The following CCDC150 variants were observed in gnomAD, a reference collection of about 807,000 sequenced individuals.
CCDC150 encodes the protein coiled-coil domain-containing protein 150.
CCDC150 carries 151 observed loss-of-function variants against 156.5 expected under a neutral mutation model. The ratio of observed to expected loss-of-function variants is 0.97; its 90% CI spans 0.85 to 1.10. The LOEUF is 1.10. Ranked by LOEUF, CCDC150 falls within the 50% of genes least tolerant of loss-of-function variation. The pLI is 0.00. For missense variants in CCDC150, 1,312 were observed against 1,268.1 expected (o/e 1.03, Z -0.53); for synonymous variants, 452 against 429.4 (o/e 1.05, Z -0.65).
chr2:196,701,133 A>G lies in CCDC150; in HGVS notation c.1648A>G (p.Ile550Val). Residue 550 changes from isoleucine (I) to valine (V), a missense_variant, in exon 15 of 28, where the codon ATC (isoleucine) becomes GTC (valine). Physicochemically the swap from Ile to Val is conservative, Grantham distance 29 (BLOSUM62 3). Transcript: ENST00000389175. ...GCTTGCCCAACAGAAGGTGGAAAAA[A>G]TCACTGAAAGTAAAAATAAACTGGC... ...HGLAQQKVEK[I>V]TESKNKLAYE... 6.2e-7 allele frequency: 1 copy of G among 1,610,166 alleles called. No individual in the cohort carries two copies. Among genetic ancestry groups the G allele is most frequent in the South Asian group, 1.1e-5 (1 of 89,886 alleles).
At chr2:196,713,392 T>C (rs1697269437) in intron 17 of CCDC150, 1 of 1,529,700 alleles carries the variant, frequency 6.5e-7, no homozygotes, top group East Asian at 2.5e-5. Context: ...CAGAGAGGAC[T>C]GCATCTTCAA....
chr2:196,639,969 A>G (rs1692113939), intron 1 of CCDC150, among the ~76,000 whole-genome samples, 191 bp downstream of exon 1: 1 of 152,154 alleles, frequency 6.6e-6, no homozygotes, highest in Non-Finnish European at 1.5e-5. Flanking sequence ...TTTAGGAGCG[A>G]AGTTTGCATT....
chr2:196,656,415 T>G (rs1693190046), intron 2 of CCDC150, among the ~76,000 whole-genome samples: 1 of 152,176 alleles, frequency 6.6e-6, no homozygotes, highest in South Asian at 2.1e-4. Flanking sequence ...GTTTCTGACT[T>G]TCTCTCAGAG....
At chr2:196,720,074 A>G in intron 19 of CCDC150, 2 of 387,648 alleles carry the variant, frequency 5.2e-6, no homozygotes, top group East Asian at 1.7e-4. Flanking sequence ...AAGATTAATA[A>G]TTATTTTAGG....
intron 9 of CCDC150, 51 bp downstream of exon 9, chr2:196,672,488 A>G (rs558015414): frequency 1.8e-5 from 18 of 1,021,310 alleles, no homozygotes; most frequent in Non-Finnish European, 1.7e-5. Context: ...ATTTTGTTCA[A>G]TTAAATAACC....
intron 20 of CCDC150, among the ~76,000 whole-genome samples, 156 bp from the exon 21 acceptor site, chr2:196,721,366 A>ATG (rs1160952181): frequency 5.7e-5 from 8 of 140,002 alleles, no homozygotes; most frequent in Admixed American, 1.5e-4. Context: ...ATATATATAT[A>ATG]TATTTTCCAG....
At chr2:196,667,619 C>T (rs1200996231) in intron 7 of CCDC150, 1 of 152,268 alleles carries the variant, frequency 6.6e-6, no homozygotes, top group East Asian at 1.9e-4. Context: ...TCCAGAGTTA[C>T]AAAAGGAAAA....
At chr2:196,640,133 C>T (rs191409310) in intron 1 of CCDC150, among the ~76,000 whole-genome samples, 45 of 152,316 alleles carry the variant, frequency 3.0e-4, no homozygotes, top group African/African-American at 1.0e-3. Flanking sequence ...TTAATCCTCC[C>T]TGGCTTGCTT....
intron 22 of CCDC150, among the ~76,000 whole-genome samples, chr2:196,728,663 T>G (rs1444477597): frequency 6.6e-6 from 1 of 152,232 alleles, no homozygotes; most frequent in African/African-American, 2.4e-5. Flanking sequence ...TTATATAAAC[T>G]GCCATATAAT....
intron 15 of CCDC150, among the ~76,000 whole-genome samples, chr2:196,702,239 AC>A (rs1164925781): frequency 1.3e-5 from 2 of 151,982 alleles, no homozygotes; most frequent in Admixed American, 1.3e-4. Context: ...ATAGAGTGAG[AC>A]CCTGTCTCTA....
intron 14 of CCDC150, among the ~76,000 whole-genome samples, chr2:196,700,702 G>A (rs1204974213): frequency 2.0e-5 from 3 of 152,076 alleles, no homozygotes. Flanking sequence ...CATGGTAAGT[G>A]AGGTGCCTTC....
At chr2:196,726,987 A>G (rs1698242908) in intron 22 of CCDC150, 1 of 152,186 alleles carries the variant, frequency 6.6e-6, no homozygotes, top group Non-Finnish European at 1.5e-5. Flanking sequence ...ATGAAGAGAA[A>G]CTGGAGGCAT....
chr2:196,729,753 C>T (rs749263108), intron 23 of CCDC150, 40 bp from the exon 24 acceptor site: 3 of 1,373,788 alleles, frequency 2.2e-6, no homozygotes, highest in Non-Finnish European at 3.0e-6. Flanking sequence ...CCAGTTTTTC[C>T]ACTGATCATC....
At chr2:196,662,498 C>G (rs1693615224) in intron 5 of CCDC150, among the ~76,000 whole-genome samples, 3 of 152,122 alleles carry the variant, frequency 2.0e-5, no homozygotes. Flanking sequence ...ATGCACAGTT[C>G]ACAATAGGGT....
intron 14 of CCDC150, among the ~76,000 whole-genome samples, chr2:196,698,860 G>A (rs947452272): frequency 2.6e-5 from 4 of 152,036 alleles, no homozygotes; most frequent in East Asian, 3.9e-4. Flanking sequence ...CCGGCAACAG[G>A]CCCCAGTGTG....
chr2:196,729,577 G>C, intron 23 of CCDC150, 190 bp downstream of exon 23: 1 of 668,214 alleles, frequency 1.5e-6, no homozygotes. Flanking sequence ...CTCATTTGCT[G>C]CCAGTGTCAC....
chr2:196,678,134 G>T (rs1290279443), intron 13 of CCDC150, among the ~76,000 whole-genome samples: 1 of 152,140 alleles, frequency 6.6e-6, no homozygotes, highest in African/African-American at 2.4e-5. Flanking sequence ...AATTAAACAA[G>T]AACCAATCTT....
At position 196,672,448 on chromosome 2, in the gene CCDC150, A is replaced by G; in HGVS notation, c.1029+11A>G. The G allele has an allele frequency of 1.4e-6, 2 of 1,393,906 alleles. No individual in the cohort carries two copies. Among genetic ancestry groups the G allele is most frequent in the Non-Finnish European group, 1.9e-6 (2 of 1,054,860 alleles). 86.3% of individuals were successfully genotyped at this position (1,393,906 alleles called of 1,614,324 possible). On this transcript the variant is annotated intron_variant, in intron 9 of 27. Coordinates refer to ENST00000389175, the MANE Select transcript of CCDC150 (RefSeq NM_001080539.2). ...TCAGAAAAAGCACAAGTAAATGCTC[A>G]TGATTTTGTTAGTTTTTAGATGTTA...
chr2:196,719,468 T>C, intron 18 of CCDC150, 29 bp from the exon 19 acceptor site: 1 of 1,582,082 alleles, frequency 6.3e-7, no homozygotes, highest in Non-Finnish European at 8.6e-7. Context: ...AAGGATCAAA[T>C]GTCTTTGTGT....
Sources: allele counts gnomAD v4.1 joint callset (sites outside exome capture counted in the v4.1 genomes callset), GRCh38; gene constraint gnomAD v4.1.1; transcripts MANE v1.5; gene names NCBI Gene and HGNC (gene_info 2026-07-23, HGNC 2026-07-21).